Variants in UNC13C observed in about 807,000 individuals in gnomAD.
The protein encoded by UNC13C is unc-13 homolog C.
UNC13C carries 174 observed loss-of-function variants against 245.4 expected under a neutral mutation model. The ratio of observed to expected loss-of-function variants is 0.71; its 90% CI spans 0.63 to 0.80. The LOEUF is 0.80. Among genes scored for constraint, UNC13C ranks in the 30% least tolerant of loss-of-function variants. UNC13C has a pLI of 0.00. For synonymous variants in UNC13C, 992 were observed against 895.1 expected, an observed-to-expected ratio of 1.11 and a Z score of -1.93; for missense variants, 2,829 against 2,602.9, an observed-to-expected ratio of 1.09 and a Z score of -1.89.
At chr15:54,615,278 A>G (rs376397997) in intron 30 of UNC13C, among the ~76,000 whole-genome samples, 15 of 152,092 alleles carry the variant, frequency 9.9e-5, no homozygotes, top group African/African-American at 3.4e-4. Flanking sequence ...TAGTCACCCT[A>G]TTGTACTACC....
chr15:54,269,004 C>CA, intron 10 of UNC13C, among the ~76,000 whole-genome samples: 1 of 151,612 alleles, frequency 6.6e-6, no homozygotes, highest in South Asian at 2.1e-4. Flanking sequence ...TCTTTCAACT[C>CA]AAAGAGTCTA....
At chr15:53,883,796 A>G in the UNC13C span, among the ~76,000 whole-genome samples, 1 of 152,234 alleles carries the variant, frequency 6.6e-6, no homozygotes, top group Admixed American at 6.5e-5. Context: ...GTACATAAAC[A>G]TTAACAGTGA....
intron 23 of UNC13C, among the ~76,000 whole-genome samples, chr15:54,511,357 A>T (rs918055297): frequency 1.3e-5 from 2 of 149,774 alleles, no homozygotes; most frequent in Non-Finnish European, 3.0e-5. Context: ...TTTTGCATTT[A>T]AAAAATCACA....
At chr15:54,108,070 A>T (rs534696709) in intron 2 of UNC13C, among the ~76,000 whole-genome samples, 1 of 152,300 alleles carries the variant, frequency 6.6e-6, no homozygotes, top group East Asian at 1.9e-4. Flanking sequence ...ATATACAAGG[A>T]TTATCTGGGT....
At chr15:54,044,473 T>G (rs1409565939) in intron 2 of UNC13C, 4 of 287,030 alleles carry the variant, frequency 1.4e-5, no homozygotes, top group Admixed American at 1.3e-4. Flanking sequence ...TCAGTGGAAC[T>G]CTTTGTTTAA....
chr15:54,001,875 G>C (rs868567505), intron 1 of UNC13C, among the ~76,000 whole-genome samples: 2 of 152,168 alleles, frequency 1.3e-5, no homozygotes, highest in Admixed American at 1.3e-4. Context: ...TAGAGCTCAG[G>C]TGGGCACCAA....
chr15:54,063,498 G>A (rs1897937029), intron 2 of UNC13C, among the ~76,000 whole-genome samples: 1 of 152,054 alleles, frequency 6.6e-6, no homozygotes, highest in African/African-American at 2.4e-5. Context: ...CTCGGTAAAG[G>A]ATAGTGGTTA....
chr15:54,496,832 G>T (rs967681114), intron 20 of UNC13C, among the ~76,000 whole-genome samples: 2 of 151,078 alleles, frequency 1.3e-5, no homozygotes, highest in Non-Finnish European at 2.9e-5. Flanking sequence ...GGGAAGTTGG[G>T]GGGGAAGGAT....
intron 19 of UNC13C, among the ~76,000 whole-genome samples, chr15:54,442,151 T>C (rs765324248): frequency 6.6e-6 from 1 of 152,006 alleles, no homozygotes; most frequent in Non-Finnish European, 1.5e-5. Context: ...CCAATTTTGA[T>C]GCCTTTTTTT....
chr15:53,939,842 T>A, the UNC13C span, among the ~76,000 whole-genome samples: 1 of 152,088 alleles, frequency 6.6e-6, no homozygotes, highest in East Asian at 1.9e-4. Context: ...AGACCCAAGT[T>A]CAGGCAAGCC....
chr15:54,015,072 C>A lies in UNC13C; in HGVS notation c.2169C>A (p.Cys723Ter). The A allele has an allele frequency of 6.2e-7, 1 of 1,612,700 alleles. No individual in the cohort carries two copies. The highest frequency in any genetic ancestry group is 8.5e-7 in the Non-Finnish European group (1 of 1,179,368). Residue 723 changes from cysteine to a stop codon, truncating the protein, a stop_gained, in exon 2 of 33, where the codon TGC (cysteine) becomes TGA (stop). Coordinates refer to ENST00000260323, the MANE Select transcript of UNC13C (RefSeq NM_001080534.3). LOFTEE classifies it high-confidence loss of function. ...DLTQDDNSSP[C>*]PGLDNEPQGQ... ...CTCAAGATGACAATTCTTCTCCATG[C>A]CCTGGCTTGGATAATGAACCACAAG...
intron 2 of UNC13C, among the ~76,000 whole-genome samples, chr15:54,129,878 C>T (rs1282159645): frequency 3.3e-5 from 4 of 122,868 alleles, no homozygotes; most frequent in African/African-American, 9.3e-5. Context: ...CATAAGTTTA[C>T]GTTATTGTCT....
chr15:53,908,663 G>A, the UNC13C span, among the ~76,000 whole-genome samples: 1 of 138,732 alleles, frequency 7.2e-6, no homozygotes, highest in African/African-American at 2.6e-5. Flanking sequence ...GCAGAAGGAG[G>A]ATCAGCTGAG....
At position 54,561,283 on chromosome 15, in the gene UNC13C, AAAT is replaced by A. The variant is rs199624998; in HGVS notation, c.5958+5775_5958+5777del. ...AGCTGAGAGAGGTACATTGAAAATGAAATAATGATACATGTTAACTTATAACAG... is the reference window on the plus strand; with the variant it reads ...AGCTGAGAGAGGTACATTGAAAATGAAATGATACATGTTAACTTATAACAG... On this transcript the variant is annotated intron_variant, in intron 29 of 32. Coordinates refer to ENST00000260323, the MANE Select transcript of UNC13C (RefSeq NM_001080534.3). Among the ~76,000 whole-genome samples the A allele has an allele frequency of 7.2e-3, 1,078 of 150,682 alleles. 10 individuals carry two copies. The highest frequency in any genetic ancestry group is 0.024 in the African/African-American group (1,009 of 41,400).
At chr15:54,362,113 G>A (rs2039246320) in intron 17 of UNC13C, among the ~76,000 whole-genome samples, 1 of 152,178 alleles carries the variant, frequency 6.6e-6, no homozygotes, top group Non-Finnish European at 1.5e-5. Flanking sequence ...GCTGATTAGA[G>A]GGAAGAATAG....
intron 2 of UNC13C, among the ~76,000 whole-genome samples, chr15:54,044,264 T>G (rs1896936171): frequency 6.6e-6 from 1 of 152,228 alleles, no homozygotes; most frequent in African/African-American, 2.4e-5. Context: ...CTTCATTCCT[T>G]TTTGTGCCTG....
At chr15:53,849,594 CT>C in the UNC13C span, among the ~76,000 whole-genome samples, 4 of 151,742 alleles carry the variant, frequency 2.6e-5, no homozygotes, top group East Asian at 5.8e-4. Flanking sequence ...TATATTTTTT[CT>C]TTTTTTTCCA....
intron 4 of UNC13C, among the ~76,000 whole-genome samples, chr15:54,228,699 C>G (rs568346648): frequency 4.0e-4 from 61 of 152,256 alleles, no homozygotes; most frequent in Non-Finnish European, 7.1e-4. Flanking sequence ...ATTCCTTATT[C>G]TGCTATGGCT....
the UNC13C span, among the ~76,000 whole-genome samples, chr15:53,938,466 C>T: frequency 0.33 from 50,434 of 151,780 alleles, 8,691 homozygotes; most frequent in East Asian, 0.55. Context: ...AGAAAATTAA[C>T]GAAGATAATC....
Sources: allele counts gnomAD v4.1 joint callset (sites outside exome capture counted in the v4.1 genomes callset), GRCh38; gene constraint gnomAD v4.1.1; transcripts MANE v1.5; gene names NCBI Gene and HGNC (gene_info 2026-07-23, HGNC 2026-07-21).